The following SND1 variants were observed in gnomAD, a reference collection of about 807,000 sequenced individuals.
SND1 encodes staphylococcal nuclease domain-containing protein 1.
In SND1, 38 loss-of-function variants were observed where a neutral mutation model predicts 121.7. The ratio of observed to expected loss-of-function variants is 0.31; its 90% CI spans 0.24 to 0.41. SND1 has a LOEUF of 0.41. Ranked by LOEUF, SND1 falls within the 10% of genes least tolerant of loss-of-function variation. The pLI is 1.00. For synonymous variants in SND1, 401 were observed against 447.4 expected (o/e 0.90, Z 1.31); for missense variants, 868 against 1,184.6 (o/e 0.73, Z 3.92).
chr7:127,894,634 T>A (rs1287875450), intron 13 of SND1, among the ~76,000 whole-genome samples: 1 of 152,146 alleles, frequency 6.6e-6, no homozygotes, highest in Non-Finnish European at 1.5e-5. Flanking sequence ...TTTAGACAGT[T>A]GGCATTGAAT....
At chr7:127,764,102 A>G (rs565813428) in intron 10 of SND1, among the ~76,000 whole-genome samples, 29 of 152,132 alleles carry the variant, frequency 1.9e-4, no homozygotes, top group African/African-American at 6.7e-4. Flanking sequence ...GCATAAATTG[A>G]AACCTACTGA....
intron 10 of SND1, among the ~76,000 whole-genome samples, chr7:127,791,860 T>TA (rs978293882): frequency 6.9e-4 from 105 of 152,356 alleles, no homozygotes; most frequent in African/African-American, 2.5e-3. Context: ...TTTTATGCAA[T>TA]ATAGTAACCA....
chr7:127,678,794 C>T (rs1484810777), intron 1 of SND1, among the ~76,000 whole-genome samples: 1 of 152,144 alleles, frequency 6.6e-6, no homozygotes, highest in Non-Finnish European at 1.5e-5. Flanking sequence ...GAAATATTCC[C>T]CAATTGAGTT....
chr7:128,076,943 C>G (rs534296731), intron 17 of SND1, among the ~76,000 whole-genome samples: 2 of 152,172 alleles, frequency 1.3e-5, no homozygotes, highest in Non-Finnish European at 2.9e-5. Flanking sequence ...GCCGATAGGG[C>G]TCTCCACTTC....
At chr7:127,761,520 C>T (rs996035777) in intron 10 of SND1, among the ~76,000 whole-genome samples, 6 of 152,190 alleles carry the variant, frequency 3.9e-5, no homozygotes, top group South Asian at 2.1e-4. Context: ...AGGAGATTTA[C>T]GGAGACTTTA....
intron 11 of SND1, among the ~76,000 whole-genome samples, chr7:127,830,120 T>TATGA (rs1305542480): frequency 2.0e-5 from 3 of 151,994 alleles, no homozygotes; most frequent in Non-Finnish European, 2.9e-5. Flanking sequence ...CGGTGGCTCA[T>TATGA]GCCTGTAATC....
At chr7:127,689,338 A>T (rs1428279630) in intron 2 of SND1, among the ~76,000 whole-genome samples, 1 of 152,236 alleles carries the variant, frequency 6.6e-6, no homozygotes, top group Admixed American at 6.5e-5. Flanking sequence ...CATTTTGAAT[A>T]GTTTCTTTTC....
intron 16 of SND1, among the ~76,000 whole-genome samples, chr7:128,059,414 A>T (rs115411693): frequency 1.3e-3 from 199 of 152,358 alleles, no homozygotes; most frequent in African/African-American, 4.4e-3. Context: ...TGCAGTGCCT[A>T]ATACAGTGCT....
intron 11 of SND1, among the ~76,000 whole-genome samples, chr7:127,813,141 A>G (rs949424464): frequency 6.6e-6 from 1 of 152,184 alleles, no homozygotes; most frequent in Non-Finnish European, 1.5e-5. Flanking sequence ...TGCCAAATTG[A>G]GAGCTGTTTT....
chr7:127,972,556 C>T lies in SND1; in HGVS notation c.1670-18391C>T, dbSNP rs113994280. Among the ~76,000 whole-genome samples the T allele has an allele frequency of 4.4e-3, 668 of 152,110 alleles. 8 individuals carry two copies. Among genetic ancestry groups the T allele is most frequent in the African/African-American group, 0.015 (640 of 41,480 alleles). On this transcript the variant is annotated intron_variant, in intron 15 of 23. Transcript: ENST00000354725. The stretch of plus-strand genomic sequence containing the variant: ...ACAGGTGTGAGCCACAGCACCTGGC[C>T]CTATCTTTGAACTTCAGAAATGGAA...
chr7:127,764,731 T>C (rs73723070), intron 10 of SND1, among the ~76,000 whole-genome samples: 2,602 of 152,320 alleles, frequency 0.017, 94 homozygotes, highest in African/African-American at 0.059. Flanking sequence ...AATGTCTAAC[T>C]TGGTACCAAA....
At chr7:127,960,080 C>G (rs1362437498) in intron 15 of SND1, among the ~76,000 whole-genome samples, 1 of 152,208 alleles carries the variant, frequency 6.6e-6, no homozygotes, top group East Asian at 1.9e-4. Flanking sequence ...CCATTCGTCT[C>G]TGGAACTTAC....
chr7:127,707,750 A>T, intron 9 of SND1, 103 bp downstream of exon 9: 1 of 859,828 alleles, frequency 1.2e-6, no homozygotes, highest in Non-Finnish European at 1.8e-6. Flanking sequence ...TGAAAATTTC[A>T]AGGCAAGCCA....
At chr7:127,772,413 C>T (rs534295024) in intron 10 of SND1, among the ~76,000 whole-genome samples, 14 of 152,082 alleles carry the variant, frequency 9.2e-5, no homozygotes, top group Non-Finnish European at 1.8e-4. Context: ...TGCTTCTTTG[C>T]GATCTTTAAA....
intron 10 of SND1, among the ~76,000 whole-genome samples, chr7:127,733,847 G>A (rs886070617): frequency 2.0e-5 from 3 of 152,106 alleles, no homozygotes; most frequent in African/African-American, 7.2e-5. Context: ...TAGCTGAGAG[G>A]CACAGGTGCA....
chr7:128,043,548 G>A (rs1255980210), intron 16 of SND1, among the ~76,000 whole-genome samples: 1 of 151,334 alleles, frequency 6.6e-6, no homozygotes, highest in Non-Finnish European at 1.5e-5. Context: ...CATCTAGCTG[G>A]GTGACAGAGG....
intron 14 of SND1, among the ~76,000 whole-genome samples, chr7:127,921,115 C>G (rs934153299): frequency 1.3e-5 from 2 of 152,164 alleles, no homozygotes; most frequent in Admixed American, 1.3e-4. Flanking sequence ...TAAGCTGTAT[C>G]ACATGATTTT....
intron 14 of SND1, among the ~76,000 whole-genome samples, chr7:127,927,130 T>C (rs1424584584): frequency 6.6e-6 from 1 of 152,068 alleles, no homozygotes; most frequent in Non-Finnish European, 1.5e-5. Flanking sequence ...GGTAAGAGTT[T>C]AGCAAAAAAG....
In SND1 at chr7:127,690,306, A is replaced by G. The variant is rs188876721; in HGVS notation, c.228+3544A>G. 1.8e-4 allele frequency among the ~76,000 whole-genome samples: 27 copies of G among 152,146 alleles called. 1 individual carries two copies. The highest frequency in any genetic ancestry group is 5.8e-4 in the African/African-American group (24 of 41,506). The stretch of plus-strand genomic sequence containing the variant: ...AGCGCATTTGTGATATGACTTTTAG[A>G]CTTCTCTTACTGAAACCCCTCTGGG... On this transcript the variant is annotated intron_variant, in intron 2 of 23. Coordinates refer to ENST00000354725, the MANE Select transcript of SND1 (RefSeq NM_014390.4).
Sources: gnomAD v4.1 joint callset for allele counts (sites outside exome capture counted in the v4.1 genomes callset) on GRCh38, gnomAD v4.1.1 for gene constraint, MANE v1.5 for transcripts, NCBI Gene and HGNC (gene_info 2026-07-23, HGNC 2026-07-21) for gene names.